BUB1: variants seen among roughly 807,000 people sequenced by gnomAD.
The protein encoded by BUB1 is mitotic checkpoint serine/threonine-protein kinase BUB1.
In BUB1, 84 loss-of-function variants were observed where a neutral mutation model predicts 135.2. That is an observed-to-expected ratio of 0.62 (90% CI 0.52 to 0.74). BUB1 has a LOEUF of 0.74. Among genes scored for constraint, BUB1 ranks in the 30% least tolerant of loss-of-function variants. The pLI, the probability that BUB1 is intolerant of heterozygous loss-of-function variation, is 0.00. For missense variants in BUB1, 1,162 were observed against 1,288.3 expected (o/e 0.90, Z 1.50); for synonymous variants, 403 against 434.4 (o/e 0.93, Z 0.90).
rs1276239166 is a variant in BUB1 at position 110,672,745 on chromosome 2, C to T, written c.338G>A (p.Gly113Glu). 3 of 1,614,040 alleles carry T rather than the reference C, an allele frequency of 1.9e-6. No homozygotes were observed. Among genetic ancestry groups the T allele is most frequent in the Non-Finnish European group, 2.5e-6 (3 of 1,180,030 alleles). Reference protein sequence around the residue: ...IAWAGHLEAQGELQHASAVLQ... With the variant: ...IAWAGHLEAQEELQHASAVLQ... ...GACAGCACTGGCATGCTGCAGCTCT[C>T]CTTGGGCTTCCAGATGCCCCGCCCA... Residue 113 changes from glycine (G) to glutamate (E), a missense_variant, in exon 4 of 25, where the codon GGA (glycine) becomes GAA (glutamate). By Grantham distance (98) the Gly-to-Glu change is moderately conservative (BLOSUM62 -2). Coordinates refer to ENST00000302759, the MANE Select transcript of BUB1 (RefSeq NM_004336.5).
intron 1 of BUB1, among the ~76,000 whole-genome samples, chr2:110,675,832 G>A (rs1003734145): frequency 1.4e-4 from 21 of 151,826 alleles, no homozygotes; most frequent in African/African-American, 4.8e-4. Context: ...TTTATTTTTT[G>A]CCGAGATGAG....
chr2:110,665,547 T>C (rs976658364), intron 9 of BUB1, among the ~76,000 whole-genome samples: 10 of 149,154 alleles, frequency 6.7e-5, no homozygotes, highest in Non-Finnish European at 1.5e-4. Context: ...CGTCTAAAAA[T>C]TAAAAAAAAA....
intron 9 of BUB1, 184 bp downstream of exon 9, chr2:110,666,079 T>C: frequency 2.1e-6 from 1 of 485,452 alleles, no homozygotes; most frequent in Non-Finnish European, 3.3e-6. Flanking sequence ...ACTACCATTC[T>C]GTTTTGTAAC....
chr2:110,641,386 G>C lies in BUB1; in HGVS notation c.2704C>G (p.Leu902Val), dbSNP rs765608334. Residue 902 changes from leucine to valine, a missense_variant, in exon 22 of 25, where the codon CTT becomes GTT. Coordinates refer to ENST00000302759, the MANE Select transcript of BUB1 (RefSeq NM_004336.5). ...GLVISFAMRM[L>V]YMIEQVHDCE... The stretch of plus-strand genomic sequence containing the variant: ...TCATGCACTTGCTCAATCATGTAAA[G>C]CATTCTCATAGCAAAAGAGATGACA... 3 of 1,614,100 alleles carry C rather than the reference G, an allele frequency of 1.9e-6. No individual in the cohort carries two copies. Among genetic ancestry groups the C allele is most frequent in the Non-Finnish European group, 2.5e-6 (3 of 1,180,006 alleles).
chr2:110,652,563 A>G (rs1250289446), intron 17 of BUB1, among the ~76,000 whole-genome samples: 1 of 89,968 alleles, frequency 1.1e-5, no homozygotes, highest in Non-Finnish European at 3.3e-5. Flanking sequence ...AAATGTTGTT[A>G]TTAGAGGCTT....
chr2:110,664,789 TA>T (rs1690200919), intron 9 of BUB1, among the ~76,000 whole-genome samples: 1 of 151,838 alleles, frequency 6.6e-6, no homozygotes, highest in Admixed American at 6.6e-5. Flanking sequence ...AATGACTCAA[TA>T]GAAAAATGGA....
At chr2:110,651,510 T>C (rs1423566426) in intron 17 of BUB1, among the ~76,000 whole-genome samples, 1 of 152,246 alleles carries the variant, frequency 6.6e-6, no homozygotes, top group African/African-American at 2.4e-5. Flanking sequence ...GATAAAACTT[T>C]TTAAGTTTAT....
intron 8 of BUB1, among the ~76,000 whole-genome samples, chr2:110,666,843 T>A (rs1690271910): frequency 6.6e-6 from 1 of 152,238 alleles, no homozygotes; most frequent in Non-Finnish European, 1.5e-5. Context: ...GCTTCAAGCA[T>A]GCTGTGGTCA....
chr2:110,653,834 T>G (rs911460397), intron 16 of BUB1, among the ~76,000 whole-genome samples: 20 of 151,864 alleles, frequency 1.3e-4, no homozygotes, highest in African/African-American at 4.4e-4. Flanking sequence ...TGAGACCCTA[T>G]CCCTAAAATA....
chr2:110,639,646 C>G, intron 24 of BUB1, 96 bp downstream of exon 24: 3 of 1,001,466 alleles, frequency 3.0e-6, no homozygotes, highest in Non-Finnish European at 4.6e-6. Flanking sequence ...GATTTCCATG[C>G]GGTGGCAGAG....
At chr2:110,643,684 G>T (rs1689563420) in intron 19 of BUB1, among the ~76,000 whole-genome samples, 1 of 152,124 alleles carries the variant, frequency 6.6e-6, no homozygotes, top group South Asian at 2.1e-4. Flanking sequence ...CTGTCACCCA[G>T]GCTAGAGTGC....
intron 1 of BUB1, among the ~76,000 whole-genome samples, chr2:110,677,679 G>C (rs1276934322): frequency 6.6e-6 from 1 of 152,202 alleles, no homozygotes; most frequent in Non-Finnish European, 1.5e-5. Context: ...GTCAGGAGGG[G>C]ATTCCTTACA....
intron 1 of BUB1, chr2:110,676,501 A>G (rs1395782767): frequency 6.6e-6 from 1 of 152,200 alleles, no homozygotes; most frequent in Non-Finnish European, 1.5e-5. Context: ...TAGAAGACAC[A>G]TACACATGTG....
chr2:110,669,702 C>G, intron 5 of BUB1, 149 bp from the exon 6 acceptor site: 1 of 550,436 alleles, frequency 1.8e-6, no homozygotes, highest in South Asian at 2.7e-5. Flanking sequence ...TCAACTAAAA[C>G]GTTTTTAAAA....
chr2:110,641,643 A>C lies in BUB1; in HGVS notation c.2624T>G (p.Leu875Ter), dbSNP rs1333432395. Residue 875 changes from leucine (L) to a stop codon, truncating the protein, a stop_gained and splice_region_variant, in exon 21 of 25, where the codon TTA becomes TGA. Coordinates refer to ENST00000302759, the MANE Select transcript of BUB1 (RefSeq NM_004336.5). LOFTEE classifies it high-confidence loss of function. ...VGELYSYGTLLNAINLYKNTP... is the reference protein window; with the variant it reads ...VGELYSYGTL Reference sequence around the variant, plus strand: ...CTCATCATAAAAATGAATACTTACTAATAATGTTCCATAGCTGTAGAGCTC... The same window carrying C: ...CTCATCATAAAAATGAATACTTACTCATAATGTTCCATAGCTGTAGAGCTC... 1 of 1,610,096 alleles carries C rather than the reference A, an allele frequency of 6.2e-7. No individual in the cohort carries two copies. The highest frequency in any genetic ancestry group is 8.5e-7 in the Non-Finnish European group (1 of 1,179,130).
chr2:110,663,597 T>A (rs753143907), intron 9 of BUB1, among the ~76,000 whole-genome samples: 27 of 152,202 alleles, frequency 1.8e-4, no homozygotes, highest in Non-Finnish European at 2.9e-4. Flanking sequence ...ATTCTAACAC[T>A]TCACATAGCT....
In BUB1 at chr2:110,672,846, G is replaced by T; in HGVS notation, c.237C>A (p.Asn79Lys). Reference sequence around the variant, plus strand: ...ACTCAAAAAATTGATGGAGGTCACTGTTGTACTCAGCCTACACGAACCCAA... The same window carrying T: ...ACTCAAAAAATTGATGGAGGTCACTTTTGTACTCAGCCTACACGAACCCAA... Reference protein sequence around the residue: ...ISYCLKFAEYNSDLHQFFEFL... With the variant: ...ISYCLKFAEYKSDLHQFFEFL... Residue 79 changes from asparagine (N) to lysine (K), a missense_variant, in exon 4 of 25, where the codon AAC (asparagine) becomes AAA (lysine). By Grantham distance (94) the Asn-to-Lys change is moderately conservative. Coordinates refer to ENST00000302759, the MANE Select transcript of BUB1 (RefSeq NM_004336.5). 6.2e-7 allele frequency: 1 copy of T among 1,604,464 alleles called. No individual in the cohort carries two copies. The highest frequency in any genetic ancestry group is 8.5e-7 in the Non-Finnish European group (1 of 1,175,914).
intron 17 of BUB1, among the ~76,000 whole-genome samples, chr2:110,653,215 C>CACCG (rs771039921): frequency 2.0e-5 from 3 of 152,192 alleles, no homozygotes; most frequent in Non-Finnish European, 2.9e-5. Flanking sequence ...TCTCATCAAG[C>CACCG]ACCGGCCTGA....
In BUB1 at chr2:110,645,503, A is replaced by G. The variant is rs144822850; in HGVS notation, c.2348-3269T>C. On this transcript the variant is annotated intron_variant, in intron 19 of 24. Coordinates refer to ENST00000302759, the MANE Select transcript of BUB1 (RefSeq NM_004336.5). Reference sequence around the variant, plus strand: ...ACCATGCTAACACTAATAAAAGAAAATGTAATAATAGCTATATTCATTTCT... The same window carrying G: ...ACCATGCTAACACTAATAAAAGAAAGTGTAATAATAGCTATATTCATTTCT... Among the ~76,000 whole-genome samples the G allele has an allele frequency of 8.3e-3, 1,258 of 152,168 alleles. 14 individuals are homozygous for G. Among genetic ancestry groups the G allele is most frequent in the Middle Eastern group, 0.027 (8 of 292 alleles).
Sources: allele counts gnomAD v4.1 joint callset (sites outside exome capture counted in the v4.1 genomes callset), GRCh38; gene constraint gnomAD v4.1.1; transcripts MANE v1.5; gene names NCBI Gene and HGNC (gene_info 2026-07-23, HGNC 2026-07-21).